USP25: variants seen among roughly 807,000 people sequenced by gnomAD.
The protein encoded by USP25 is ubiquitin specific peptidase 25, also known as ubiquitin carboxyl-terminal hydrolase 25.
Under a neutral mutation model 158.5 loss-of-function variants are expected in USP25, and 85 were observed. The observed-to-expected ratio is 0.54, with a 90% CI of 0.45 to 0.64. USP25 has a LOEUF of 0.64. USP25 is among the 30% of genes least tolerant of loss of function. USP25 has a pLI of 0.00. For missense variants in USP25, 1,242 were observed against 1,327.3 expected (o/e 0.94, Z 1.00); for synonymous variants, 464 against 460.4 (o/e 1.01, Z -0.10).
At chr21:15,750,479 G>A (rs980377263) in intron 1 of USP25, among the ~76,000 whole-genome samples, 5 of 151,532 alleles carry the variant, frequency 3.3e-5, no homozygotes, top group East Asian at 2.0e-4. Context: ...ATCCACCCGC[G>A]AAAGGCTCCC....
intron 17 of USP25, among the ~76,000 whole-genome samples, chr21:15,834,028 A>G (rs1212082600): frequency 6.6e-6 from 1 of 152,228 alleles, no homozygotes; most frequent in Non-Finnish European, 1.5e-5. Context: ...ATTAATAACT[A>G]TTTGATGTTT....
At chr21:15,749,813 T>G (rs2032848081) in intron 1 of USP25, among the ~76,000 whole-genome samples, 1 of 152,214 alleles carries the variant, frequency 6.6e-6, no homozygotes, top group South Asian at 2.1e-4. Flanking sequence ...AAGAGAAGTC[T>G]ATGAGCAAGG....
chr21:15,834,221 G>GT (rs2037949281), intron 17 of USP25, among the ~76,000 whole-genome samples: 2 of 152,182 alleles, frequency 1.3e-5, no homozygotes, highest in South Asian at 4.2e-4. Context: ...ACACTGTATA[G>GT]GAATTAAGAA....
chr21:15,846,144 A>ATTTTTTTTTTTTTTT, intron 18 of USP25, among the ~76,000 whole-genome samples: 1 of 58,788 alleles, frequency 1.7e-5, no homozygotes, highest in African/African-American at 1.0e-4. Flanking sequence ...ATATATATAT[A>ATTTTTTTTTTTTTTT]TATATATATA....
chr21:15,814,094 G>A (rs949542503), intron 9 of USP25, among the ~76,000 whole-genome samples: 6 of 149,696 alleles, frequency 4.0e-5, no homozygotes, highest in Admixed American at 4.0e-4. Context: ...CCATGGCGGC[G>A]ACAAGAGAAA....
At chr21:15,779,378 A>T (rs2034833602) in intron 4 of USP25, among the ~76,000 whole-genome samples, 1 of 151,998 alleles carries the variant, frequency 6.6e-6, no homozygotes, top group South Asian at 2.1e-4. Context: ...CATGAGTTGG[A>T]TTTCATATGT....
intron 5 of USP25, 168 bp from the exon 6 acceptor site, chr21:15,799,589 A>G (rs1246400011): frequency 2.2e-6 from 1 of 450,572 alleles, no homozygotes; most frequent in East Asian, 3.2e-5. Context: ...ATGTCAAATA[A>G]AAGAAACTTG....
intron 5 of USP25, among the ~76,000 whole-genome samples, chr21:15,792,509 C>A (rs2123622549): frequency 6.6e-6 from 1 of 151,602 alleles, no homozygotes; most frequent in East Asian, 1.9e-4. Context: ...GTGATGAATG[C>A]TTTTTCCTTC....
At chr21:15,740,973 C>A (rs76884661) in intron 1 of USP25, among the ~76,000 whole-genome samples, 1,886 of 151,838 alleles carry the variant, frequency 0.012, 37 homozygotes, top group African/African-American at 0.043. Flanking sequence ...TGAATTTGGC[C>A]ATACAGAACA....
intron 14 of USP25, among the ~76,000 whole-genome samples, chr21:15,828,405 G>A (rs1237087607): frequency 6.6e-6 from 1 of 152,162 alleles, no homozygotes; most frequent in Non-Finnish European, 1.5e-5. Flanking sequence ...CTAAGTAGTG[G>A]CATTGAGGGA....
At position 15,804,415 on chromosome 21, in the gene USP25, T is replaced by C. The variant is rs560414967; in HGVS notation, c.643-706T>C. Among the ~76,000 whole-genome samples, 168 of 151,542 alleles carry C rather than the reference T, an allele frequency of 1.1e-3. 1 individual carries two copies. Among genetic ancestry groups the C allele is most frequent in the Middle Eastern group, 3.4e-3 (1 of 290 alleles). ...AAATTTAAATATTGTGATTGAATTA[T>C]ATTAAATATAATGTTCGATAACTTT... On this transcript the variant is annotated intron_variant, in intron 6 of 25. Transcript: ENST00000400183.
At chr21:15,805,485 C>A (rs2245574) in intron 7 of USP25, 52,090 of 336,628 alleles carry the variant, frequency 0.15, 6,271 homozygotes, top group African/African-American at 0.43. Flanking sequence ...ACGATGGATA[C>A]AATTAAGATT....
intron 9 of USP25, 143 bp from the exon 10 acceptor site, chr21:15,818,555 C>A (rs992091564): frequency 1.5e-6 from 1 of 683,418 alleles, no homozygotes. Flanking sequence ...TATAAACCAA[C>A]AGGAAAATTA....
At position 15,750,714 on chromosome 21, in the gene USP25, C is replaced by T. The variant is rs913147385; in HGVS notation, c.46-12177C>T. On this transcript the variant is annotated intron_variant, in intron 1 of 25. Coordinates refer to ENST00000400183, the MANE Select transcript of USP25 (RefSeq NM_001283041.3). Reference sequence around the variant, plus strand: ...CTCCGCCTCCCAGGTTCACACCATTCTCCTACCTCAGCCTCCCCAGTAGCT... The same window carrying T: ...CTCCGCCTCCCAGGTTCACACCATTTTCCTACCTCAGCCTCCCCAGTAGCT... Among the ~76,000 whole-genome samples the T allele has an allele frequency of 1.3e-5, 2 of 151,866 alleles. 1 individual carries two copies. The highest frequency in any genetic ancestry group is 6.8e-3 in the Middle Eastern group (2 of 294).
rs370583434 is a variant in USP25, at chr21:15,826,925, C to G, written c.1467-52C>G. On this transcript the variant is annotated intron_variant, in intron 13 of 25. Transcript: ENST00000400183. This position sits in a 1 kb window ranked among gnomAD's most constrained non-coding sequence, Gnocchi z 4.8. ...ACTGTGGGTTTGGCACGATCTTTGT[C>G]AAGAGTTTCAGCTTGAAAGGTTAAT... The G allele has an allele frequency of 1.1e-4, 175 of 1,583,802 alleles. No homozygotes were observed. The African/African-American group carries it at 2.0e-3, about 18-fold the overall frequency.
intron 4 of USP25, among the ~76,000 whole-genome samples, 177 bp downstream of exon 4, chr21:15,778,204 A>G (rs948360136): frequency 1.3e-5 from 2 of 152,184 alleles, no homozygotes; most frequent in African/African-American, 2.4e-5. Context: ...TTTGATTGCA[A>G]TTGGGTTTAG....
intron 8 of USP25, among the ~76,000 whole-genome samples, chr21:15,809,690 A>G (rs1401347622): frequency 6.6e-6 from 1 of 152,216 alleles, no homozygotes. Flanking sequence ...TCAAAGAGAT[A>G]TTTGTACACC....
At chr21:15,758,682 A>G (rs534833967) in intron 1 of USP25, among the ~76,000 whole-genome samples, 4 of 152,146 alleles carry the variant, frequency 2.6e-5, no homozygotes, top group African/African-American at 9.6e-5. Context: ...TATTTAATAG[A>G]CTCACAGTTC....
intron 20 of USP25, among the ~76,000 whole-genome samples, chr21:15,861,797 A>G (rs1181269007): frequency 1.3e-5 from 2 of 152,144 alleles, no homozygotes; most frequent in African/African-American, 2.4e-5. Flanking sequence ...TAAGAATTGC[A>G]TTTATGGTGG....
Sources: allele counts gnomAD v4.1 joint callset (sites outside exome capture counted in the v4.1 genomes callset), GRCh38; gene constraint gnomAD v4.1.1; non-coding constraint Gnocchi (gnomAD v3.1); transcripts MANE v1.5; gene names NCBI Gene and HGNC (gene_info 2026-07-23, HGNC 2026-07-21).